HCN1: variants seen among roughly 807,000 people sequenced by gnomAD.
HCN1 encodes the protein potassium/sodium hyperpolarization-activated cyclic nucleotide-gated channel 1.
In HCN1, 13 loss-of-function variants were observed where a neutral mutation model predicts 78.9. That is an observed-to-expected ratio of 0.16 (90% CI 0.11 to 0.26). HCN1 has a LOEUF of 0.26. Among genes scored for constraint, HCN1 ranks in the 10% least tolerant of loss-of-function variants. The pLI is 1.00. For missense variants in HCN1, 810 were observed against 1,154.3 expected, an observed-to-expected ratio of 0.70 and a Z score of 4.32; for synonymous variants, 552 against 455.5, an observed-to-expected ratio of 1.21 and a Z score of -2.70.
chr5:45,322,314 T>C (rs1746141184), intron 5 of HCN1, among the ~76,000 whole-genome samples: 1 of 151,834 alleles, frequency 6.6e-6, no homozygotes, highest in Non-Finnish European at 1.5e-5. Context: ...AGATGGCAGC[T>C]TTTCTTAGAT....
intron 3 of HCN1, among the ~76,000 whole-genome samples, chr5:45,427,632 A>G (rs1405603601): frequency 6.6e-6 from 1 of 152,140 alleles, no homozygotes; most frequent in East Asian, 1.9e-4. Flanking sequence ...AGTTATAATT[A>G]CATTGATCAA....
chr5:45,465,283 C>T (rs1741244856), intron 2 of HCN1, among the ~76,000 whole-genome samples: 1 of 152,078 alleles, frequency 6.6e-6, no homozygotes, highest in African/African-American at 2.4e-5. Flanking sequence ...AAAAACTTCA[C>T]TATTATTTTC....
intron 6 of HCN1, among the ~76,000 whole-genome samples, chr5:45,292,416 TACA>T (rs1200930368): frequency 6.6e-6 from 1 of 152,054 alleles, no homozygotes; most frequent in Non-Finnish European, 1.5e-5. Context: ...GTGTTAAATT[TACA>T]ACATTTTCAT....
At chr5:45,567,587 A>G (rs922718957) in intron 2 of HCN1, among the ~76,000 whole-genome samples, 6 of 151,562 alleles carry the variant, frequency 4.0e-5, no homozygotes, top group Admixed American at 4.0e-4. Context: ...ACACACACAC[A>G]CACACACACA....
chr5:45,343,870 AT>A (rs1334875061), intron 5 of HCN1, among the ~76,000 whole-genome samples: 8 of 151,706 alleles, frequency 5.3e-5, no homozygotes, highest in African/African-American at 1.2e-4. Flanking sequence ...AATAAAAAAA[AT>A]ATATATATTG....
At chr5:45,551,392 T>A (rs1168546976) in intron 2 of HCN1, among the ~76,000 whole-genome samples, 1 of 151,786 alleles carries the variant, frequency 6.6e-6, no homozygotes. Context: ...TTTTTTTTTT[T>A]AGTTACATGT....
chr5:45,405,798 T>G (rs1456013949), intron 3 of HCN1, among the ~76,000 whole-genome samples: 3 of 152,150 alleles, frequency 2.0e-5, no homozygotes, highest in Non-Finnish European at 4.4e-5. Context: ...TTTAAACAGT[T>G]TTTAACAGTA....
chr5:45,378,956 CT>C (rs1005219360), intron 4 of HCN1, among the ~76,000 whole-genome samples: 1 of 151,932 alleles, frequency 6.6e-6, no homozygotes, highest in Non-Finnish European at 1.5e-5. Context: ...ATGAACTCAT[CT>C]TTTTTATGGC....
chr5:45,440,209 A>C (rs1740644251), intron 3 of HCN1, among the ~76,000 whole-genome samples: 1 of 151,868 alleles, frequency 6.6e-6, no homozygotes, highest in African/African-American at 2.4e-5. Context: ...ACTGATTACT[A>C]TACTTGAGGA....
chr5:45,591,232 T>C (rs1744354465), intron 2 of HCN1, among the ~76,000 whole-genome samples: 1 of 152,216 alleles, frequency 6.6e-6, no homozygotes, highest in Admixed American at 6.5e-5. Context: ...GTTATAAACA[T>C]TTGTGTGCAG....
chr5:45,300,729 A>C (rs1745596597), intron 6 of HCN1, among the ~76,000 whole-genome samples: 1 of 152,110 alleles, frequency 6.6e-6, no homozygotes, highest in Non-Finnish European at 1.5e-5. Context: ...GTTCAAGATC[A>C]ACTGTATACT....
chr5:45,624,125 C>T (rs1284422488), intron 2 of HCN1, among the ~76,000 whole-genome samples: 1 of 152,120 alleles, frequency 6.6e-6, no homozygotes, highest in East Asian at 1.9e-4. Context: ...AATGCAGGAC[C>T]TTATGGGCCT....
chr5:45,358,547 C>T (rs115003195), intron 4 of HCN1, among the ~76,000 whole-genome samples: 3,306 of 152,174 alleles, frequency 0.022, 61 homozygotes, highest in Middle Eastern at 0.044. Context: ...ATTCACTGTA[C>T]CTATTTATAC....
chr5:45,696,140 C>A lies in HCN1; in HGVS notation c.-47G>T. Reference sequence around the variant, plus strand: ...ACGGCGCGGGCTCCAGACTCGCCGGCCGCCCGGCGCCGGAGACACGTAGCC... The same window carrying A: ...ACGGCGCGGGCTCCAGACTCGCCGGACGCCCGGCGCCGGAGACACGTAGCC... On this transcript the variant is annotated 5_prime_UTR_variant, in exon 1 of 8. Transcript: ENST00000303230. 1 of 1,229,260 alleles carries A rather than the reference C, an allele frequency of 8.1e-7. No individual in the cohort carries two copies. The highest frequency in any genetic ancestry group is 1.9e-5 in the South Asian group (1 of 52,496). The allele number at this position is 1,229,260 out of a possible 1,614,324, so 76.1% of individuals were successfully genotyped here. A position where few individuals can be genotyped will look rare whatever the true frequency, so the allele number is the denominator to read the frequency against.
At chr5:45,394,573 T>C (rs1239648257) in intron 4 of HCN1, among the ~76,000 whole-genome samples, 1 of 152,192 alleles carries the variant, frequency 6.6e-6, no homozygotes, top group Admixed American at 6.6e-5. Flanking sequence ...TATCCTGGAT[T>C]ACACTGACTA....
chr5:45,381,536 C>CGTCCCTT (rs1192683418), intron 4 of HCN1, among the ~76,000 whole-genome samples: 3 of 152,120 alleles, frequency 2.0e-5, no homozygotes, highest in Non-Finnish European at 4.4e-5. Flanking sequence ...GACAATCCCT[C>CGTCCCTT]GTCCCTTACT....
At chr5:45,373,866 A>G (rs1441390402) in intron 4 of HCN1, among the ~76,000 whole-genome samples, 1 of 135,412 alleles carries the variant, frequency 7.4e-6, no homozygotes, top group East Asian at 2.2e-4. Flanking sequence ...TACGTCATCT[A>G]TAATATATTA....
intron 3 of HCN1, among the ~76,000 whole-genome samples, chr5:45,411,234 T>G (rs1425964996): frequency 6.6e-6 from 1 of 152,020 alleles, no homozygotes; most frequent in Non-Finnish European, 1.5e-5. Context: ...GCCCAGATTA[T>G]TCTCTCTCAG....
At chr5:45,416,165 C>T (rs1234230687) in intron 3 of HCN1, among the ~76,000 whole-genome samples, 1 of 151,760 alleles carries the variant, frequency 6.6e-6, no homozygotes, top group Non-Finnish European at 1.5e-5. Flanking sequence ...TAATAGAAAA[C>T]TTGAAATAAT....
Sources: allele counts gnomAD v4.1 joint callset (sites outside exome capture counted in the v4.1 genomes callset), GRCh38; gene constraint gnomAD v4.1.1; transcripts MANE v1.5; gene names NCBI Gene and HGNC (gene_info 2026-07-23, HGNC 2026-07-21).